PAM: variants seen among roughly 807,000 people sequenced by gnomAD.
PAM encodes the protein peptidyl-glycine alpha-amidating monooxygenase.
A neutral mutation model predicts 122.1 loss-of-function variants in PAM; 72 were observed. The ratio of observed to expected loss-of-function variants is 0.59; its 90% confidence interval spans 0.49 to 0.72. The LOEUF (loss-of-function observed/expected upper bound fraction) is 0.72. PAM is among the 30% of genes least tolerant of loss of function. The probability of loss-of-function intolerance (pLI) is 0.00; values close to 1 mark genes in which losing one functional copy is unlikely to be tolerated. For synonymous variants in PAM, 389 were observed against 404.4 expected (o/e 0.96, Z 0.46); for missense variants, 1,106 against 1,183.7 (o/e 0.93, Z 0.96).
At chr5:102,822,941 C>T (rs937921475) in intron 1 of PAM, among the ~76,000 whole-genome samples, 2 of 152,182 alleles carry the variant, frequency 1.3e-5, no homozygotes, top group Non-Finnish European at 2.9e-5. Flanking sequence ...TGGCCCTCCC[C>T]CACCCTCTAT....
chr5:102,866,238 C>G lies in PAM; in HGVS notation c.43C>G (p.Pro15Ala). The change falls in exon 2 of 26, where the codon CCA (proline) becomes GCA (alanine). Residue 15 changes from proline (P) to alanine (A), a missense_variant. Pro to Ala is a conservative substitution (Grantham distance 27). Transcript: ENST00000438793. ...VPSLLVLLVF[P>A]SSCLAFRSPL... Reference sequence around the variant, plus strand: ...TAGCCTGCTAGTTCTCCTTGTTTTTCCAAGCAGCTGTTTGGCTTTCCGAAG... The same window carrying G: ...TAGCCTGCTAGTTCTCCTTGTTTTTGCAAGCAGCTGTTTGGCTTTCCGAAG... 6.2e-7 allele frequency: 1 copy of G among 1,613,860 alleles called. No homozygotes were observed. The highest frequency in any genetic ancestry group is 1.1e-5 in the South Asian group (1 of 91,082).
At chr5:102,768,857 A>T (rs1417536902) in intron 1 of PAM, among the ~76,000 whole-genome samples, 1 of 152,082 alleles carries the variant, frequency 6.6e-6, no homozygotes, top group Non-Finnish European at 1.5e-5. Flanking sequence ...TAGCAGTGGG[A>T]CATATATACC....
At chr5:103,002,787 C>T (rs1363620829) in intron 16 of PAM, among the ~76,000 whole-genome samples, 1 of 152,126 alleles carries the variant, frequency 6.6e-6, no homozygotes, top group Admixed American at 6.6e-5. Flanking sequence ...AGATTCAGGT[C>T]CAGTAGGTCT....
At chr5:102,876,731 G>C (rs565641319) in intron 3 of PAM, among the ~76,000 whole-genome samples, 2 of 152,216 alleles carry the variant, frequency 1.3e-5, no homozygotes, top group African/African-American at 4.8e-5. Context: ...GCGTAAACCC[G>C]ATGGGGCCAG....
intron 12 of PAM, among the ~76,000 whole-genome samples, chr5:102,951,409 A>G (rs1271890419): frequency 1.3e-5 from 2 of 152,092 alleles, no homozygotes; most frequent in Non-Finnish European, 2.9e-5. Flanking sequence ...TTCAAAAAAA[A>G]CTTACCTAAA....
Position 103,005,162 on chromosome 5 carries a change from T to C in PAM, c.1739T>C (p.Leu580Ser). Residue 580 changes from leucine to serine, a missense_variant, in exon 18 of 26, where the codon TTG (leucine) becomes TCG (serine). Leu to Ser is a moderately radical substitution (Grantham distance 145). Around this residue, in one of 3 missense-constraint regions of PAM, gnomAD observed 103 missense variants for 157.9 expected, o/e 0.65. Coordinates refer to ENST00000438793, the MANE Select transcript of PAM (RefSeq NM_001177306.2). ...LQSSGKNLFY[L>S]PHGLSIDKDG... ...ATATTTTTATTTTGCAGGTTTTACT[T>C]GCCACATGGCTTGAGTATAGATAAA... The C allele has an allele frequency of 1.9e-6, 3 of 1,541,580 alleles. No individual in the cohort carries two copies. Among genetic ancestry groups the C allele is most frequent in the South Asian group, 1.1e-5 (1 of 89,596 alleles).
At chr5:102,961,889 TGCTTTGGGTTAG>T (rs1163246721) in intron 14 of PAM, among the ~76,000 whole-genome samples, 7 of 152,096 alleles carry the variant, frequency 4.6e-5, no homozygotes, top group Admixed American at 3.3e-4. Context: ...TGGAAGGTAG[TGCTTTGGGTTAG>T]GCTTTGGAGT....
intron 7 of PAM, among the ~76,000 whole-genome samples, chr5:102,941,845 A>G (rs1371881372): frequency 1.3e-5 from 2 of 149,622 alleles, no homozygotes; most frequent in African/African-American, 4.9e-5. Flanking sequence ...AAAAAAAAAA[A>G]AAAAAAAAAA....
At chr5:102,842,909 C>T (rs976717220) in intron 1 of PAM, among the ~76,000 whole-genome samples, 8 of 152,056 alleles carry the variant, frequency 5.3e-5, no homozygotes, top group African/African-American at 9.7e-5. Flanking sequence ...TTGGTAAATT[C>T]GCCATAATCT....
chr5:102,941,899 A>C (rs1351386826), intron 7 of PAM, among the ~76,000 whole-genome samples: 25 of 150,390 alleles, frequency 1.7e-4, no homozygotes, highest in African/African-American at 6.1e-4. Context: ...AGTTTCATTC[A>C]ACGTCTCTAA....
chr5:102,932,394 A>G (rs952508950), intron 7 of PAM, among the ~76,000 whole-genome samples: 1 of 152,012 alleles, frequency 6.6e-6, no homozygotes, highest in Non-Finnish European at 1.5e-5. Flanking sequence ...AGACTGAGGC[A>G]GGAAAATCGT....
intron 24 of PAM, among the ~76,000 whole-genome samples, chr5:103,027,958 A>T (rs571537876): frequency 1.3e-5 from 2 of 152,316 alleles, no homozygotes; most frequent in Admixed American, 1.3e-4. Flanking sequence ...GTAATTTATC[A>T]AGACTGCACA....
chr5:103,005,910 G>C (rs980535153), intron 18 of PAM, among the ~76,000 whole-genome samples: 23 of 147,440 alleles, frequency 1.6e-4, no homozygotes, highest in African/African-American at 4.7e-4. Context: ...TTCCTAACTT[G>C]TTGTTGTTGT....
At chr5:102,854,838 C>T (rs963701760) in intron 1 of PAM, among the ~76,000 whole-genome samples, 3 of 152,176 alleles carry the variant, frequency 2.0e-5, no homozygotes, top group African/African-American at 7.2e-5. Flanking sequence ...TGATCATTTT[C>T]AGCCAGAAGA....
At chr5:102,999,846 A>G (rs1776849437) in intron 16 of PAM, among the ~76,000 whole-genome samples, 1 of 152,104 alleles carries the variant, frequency 6.6e-6, no homozygotes, top group African/African-American at 2.4e-5. Flanking sequence ...GCCTAGCCAA[A>G]CCATTTTTTC....
At chr5:102,853,639 G>C (rs573200900) in intron 1 of PAM, among the ~76,000 whole-genome samples, 63 of 152,284 alleles carry the variant, frequency 4.1e-4, no homozygotes, top group African/African-American at 1.4e-3. Context: ...TAGCCATTTG[G>C]TAGAGCATTT....
chr5:102,982,907 C>T (rs1231304209), intron 15 of PAM, among the ~76,000 whole-genome samples: 1 of 151,758 alleles, frequency 6.6e-6, no homozygotes, highest in African/African-American at 2.4e-5. Flanking sequence ...AAGAATTCAA[C>T]ATAATGATAT....
intron 3 of PAM, among the ~76,000 whole-genome samples, chr5:102,890,781 A>C (rs993861144): frequency 1.3e-5 from 2 of 151,940 alleles, no homozygotes; most frequent in Non-Finnish European, 2.9e-5. Flanking sequence ...GGAAGAATAC[A>C]ATGTACTAAA....
intron 3 of PAM, among the ~76,000 whole-genome samples, chr5:102,894,315 T>C (rs1215162545): frequency 2.0e-5 from 3 of 151,710 alleles, no homozygotes; most frequent in East Asian, 3.9e-4. Flanking sequence ...GATATTAATA[T>C]TGTATTATAG....
Sources: allele counts gnomAD v4.1 joint callset (sites outside exome capture counted in the v4.1 genomes callset), GRCh38; gene constraint gnomAD v4.1.1; regional missense constraint gnomAD v4.1.1; transcripts MANE v1.5; gene names NCBI Gene and HGNC (gene_info 2026-07-23, HGNC 2026-07-21).